GALNT13: variants seen among roughly 807,000 people sequenced by gnomAD.
GALNT13 encodes polypeptide N-acetylgalactosaminyltransferase 13.
A neutral mutation model predicts 64.2 loss-of-function variants in GALNT13; 28 were observed. The observed-to-expected ratio is 0.44, with a 90% CI of 0.32 to 0.60. The LOEUF is 0.60. Among genes scored for constraint, GALNT13 ranks in the 20% least tolerant of loss-of-function variants. The pLI is 0.05. For missense variants in GALNT13, 577 were observed against 669.8 expected, an observed-to-expected ratio of 0.86 and a Z score of 1.53; for synonymous variants, 214 against 224.6, an observed-to-expected ratio of 0.95 and a Z score of 0.42.
the GALNT13 span, among the ~76,000 whole-genome samples, chr2:153,146,125 C>T: frequency 6.6e-6 from 1 of 151,620 alleles, no homozygotes; most frequent in Non-Finnish European, 1.5e-5. Flanking sequence ...TGCTTCCTCT[C>T]CCTGAATTTA....
chr2:154,018,641 G>A (rs1217282528), intron 3 of GALNT13, among the ~76,000 whole-genome samples: 5 of 151,560 alleles, frequency 3.3e-5, no homozygotes, highest in African/African-American at 1.2e-4. Context: ...AGGGGCTGAG[G>A]GAGATGCAGA....
chr2:153,217,227 T>C, the GALNT13 span, among the ~76,000 whole-genome samples: 1 of 151,826 alleles, frequency 6.6e-6, no homozygotes, highest in African/African-American at 2.4e-5. Context: ...GTATCAGACA[T>C]TGTTTCCTCT....
At chr2:153,653,821 A>G in the GALNT13 span, among the ~76,000 whole-genome samples, 1 of 152,204 alleles carries the variant, frequency 6.6e-6, no homozygotes, top group Non-Finnish European at 1.5e-5. Context: ...ATAATCAAAT[A>G]TTTGAAAAAA....
chr2:153,253,352 C>A, the GALNT13 span, among the ~76,000 whole-genome samples: 1 of 130,788 alleles, frequency 7.6e-6, no homozygotes, highest in Non-Finnish European at 1.6e-5. Context: ...TGCTTATCAG[C>A]TTAAGGAGAT....
the GALNT13 span, among the ~76,000 whole-genome samples, chr2:153,739,940 A>T: frequency 6.6e-6 from 1 of 151,886 alleles, no homozygotes; most frequent in South Asian, 2.1e-4. Context: ...GAACTCACCA[A>T]TGAGAATATT....
rs144771026 is a variant in GALNT13 at position 153,961,991 on chromosome 2, G to A, written c.142+17352G>A. 6.3e-3 allele frequency among the ~76,000 whole-genome samples: 960 copies of A among 152,244 alleles called. 7 individuals carry two copies. Among genetic ancestry groups the A allele is most frequent in the African/African-American group, 0.019 (776 of 41,562 alleles). On this transcript the variant is annotated intron_variant, in intron 3 of 12. Transcript: ENST00000392825. ...ACGAATGCATGATAAGTTTGGTACC[G>A]TTTTCATGATCATAGAGTAGCCAGT... is the stretch of plus-strand genomic sequence containing the variant.
the GALNT13 span, among the ~76,000 whole-genome samples, chr2:153,207,744 A>T: frequency 6.6e-6 from 1 of 152,138 alleles, no homozygotes. Context: ...TGTGTCAATT[A>T]ATTAGTTATT....
chr2:153,230,362 C>A, the GALNT13 span, among the ~76,000 whole-genome samples: 1 of 152,188 alleles, frequency 6.6e-6, no homozygotes, highest in Non-Finnish European at 1.5e-5. Context: ...TTTTAACTTT[C>A]AGTACAATAG....
rs1683188672 is a variant in GALNT13 at position 154,140,339 on chromosome 2, G to C, written c.145G>C (p.Val49Leu). Residue 49 changes from valine to leucine, a missense_variant and splice_region_variant, in exon 4 of 13, where the codon GTT becomes CTT. Physicochemically the swap from Val to Leu is conservative, Grantham distance 32. Transcript: ENST00000392825. ...ERSLLPALRA[V>L]ISRNQEGPGE... The stretch of plus-strand genomic sequence containing the variant: ...CTGTATCTCTGTATGTCTTACAGCT[G>C]TTATTTCAAGAAACCAAGAAGGGCC... 3 of 1,610,898 alleles carry C rather than the reference G, an allele frequency of 1.9e-6. No individual in the cohort carries two copies. Among genetic ancestry groups the C allele is most frequent in the African/African-American group, 1.3e-5 (1 of 74,788 alleles).
chr2:154,144,701 C>T (rs767428984), intron 4 of GALNT13, among the ~76,000 whole-genome samples: 5 of 151,954 alleles, frequency 3.3e-5, no homozygotes, highest in South Asian at 2.1e-4. Flanking sequence ...TATTGGAAAA[C>T]GTATTCGGGG....
upstream of GALNT13, among the ~76,000 whole-genome samples, chr2:153,867,032 T>C (rs964263037): frequency 6.6e-6 from 1 of 152,236 alleles, no homozygotes. Flanking sequence ...AGCTTGAATA[T>C]GAAGAATGCC....
At position 154,117,681 on chromosome 2, in the gene GALNT13, C is replaced by A. The variant is rs549024974; in HGVS notation, c.143-22656C>A. On this transcript the variant is annotated intron_variant, in intron 3 of 12. Transcript: ENST00000392825. ...CAGAATAGAGAACCCAGAAATAAAC[C>A]CAAATATTTACAGCCAACTGATCCT... Among the ~76,000 whole-genome samples, 3 of 152,090 alleles carry A rather than the reference C, an allele frequency of 2.0e-5. No individual in the cohort carries two copies. In the South Asian group the frequency reaches 6.2e-4, roughly 32 times the overall value.
intron 11 of GALNT13, among the ~76,000 whole-genome samples, chr2:154,413,031 G>A (rs1699859871): frequency 6.6e-6 from 1 of 151,924 alleles, no homozygotes; most frequent in Non-Finnish European, 1.5e-5. Flanking sequence ...AAGTATAGCA[G>A]TTGTGAGAGT....
intron 9 of GALNT13, among the ~76,000 whole-genome samples, chr2:154,320,899 G>T (rs1329420073): frequency 6.6e-6 from 1 of 152,098 alleles, no homozygotes; most frequent in Non-Finnish European, 1.5e-5. Flanking sequence ...ACATTGAAAA[G>T]ATCTTCTTTT....
chr2:153,900,060 C>G (rs1213208195), intron 1 of GALNT13, among the ~76,000 whole-genome samples: 1 of 150,938 alleles, frequency 6.6e-6, no homozygotes, highest in Non-Finnish European at 1.5e-5. Flanking sequence ...CTCAGCCTCC[C>G]GAGTAGCTGG....
the GALNT13 span, among the ~76,000 whole-genome samples, chr2:153,795,277 G>C: frequency 1.3e-5 from 2 of 152,092 alleles, no homozygotes; most frequent in African/African-American, 2.4e-5. Flanking sequence ...GCTGAAAATA[G>C]AGTCAATTTT....
chr2:153,679,421 C>T, the GALNT13 span, among the ~76,000 whole-genome samples: 1 of 151,966 alleles, frequency 6.6e-6, no homozygotes, highest in Non-Finnish European at 1.5e-5. Flanking sequence ...TCACCCACTA[C>T]ATCATGGCAA....
chr2:154,140,933 A>G (rs1574583413), intron 4 of GALNT13, among the ~76,000 whole-genome samples: 1 of 152,166 alleles, frequency 6.6e-6, no homozygotes, highest in East Asian at 1.9e-4. Context: ...ACAAACCTAT[A>G]TGGTATAGAC....
chr2:154,386,072 C>T (rs912711353), intron 9 of GALNT13, among the ~76,000 whole-genome samples: 1 of 151,738 alleles, frequency 6.6e-6, no homozygotes, highest in Non-Finnish European at 1.5e-5. Flanking sequence ...TTTTTTTGTA[C>T]TGACTCTCAA....
Sources: allele counts gnomAD v4.1 joint callset (sites outside exome capture counted in the v4.1 genomes callset), GRCh38; gene constraint gnomAD v4.1.1; transcripts MANE v1.5; gene names NCBI Gene and HGNC (gene_info 2026-07-23, HGNC 2026-07-21).